The following TBC1D1 variants were observed in gnomAD, a reference collection of about 807,000 sequenced individuals.
TBC1D1 encodes the protein TBC1 domain family member 1.
TBC1D1 carries 89 observed loss-of-function variants against 125.6 expected under a neutral mutation model. The ratio of observed to expected loss-of-function variants is 0.71; its 90% confidence interval spans 0.60 to 0.85. The LOEUF is 0.85. Ranked by LOEUF, TBC1D1 falls within the 40% of genes least tolerant of loss-of-function variation. TBC1D1 has a pLI of 0.00. For synonymous variants in TBC1D1, 565 were observed against 564.1 expected (o/e 1.00, Z -0.02); for missense variants, 1,377 against 1,469.2 (o/e 0.94, Z 1.03).
At chr4:38,101,205 A>ATC (rs1760263203) in intron 14 of TBC1D1, among the ~76,000 whole-genome samples, 1 of 152,252 alleles carries the variant, frequency 6.6e-6, no homozygotes, top group Non-Finnish European at 1.5e-5. Flanking sequence ...GACAGAAACC[A>ATC]GAGAAACCAT....
intron 2 of TBC1D1, among the ~76,000 whole-genome samples, chr4:38,007,500 A>C (rs6821053): frequency 0.2 from 29,678 of 151,938 alleles, 3,028 homozygotes; most frequent in Non-Finnish European, 0.22. Flanking sequence ...TGATCCACCC[A>C]CCTCAGCCTC....
At chr4:38,135,123 G>C (rs1175252288) in intron 19 of TBC1D1, among the ~76,000 whole-genome samples, 1 of 152,220 alleles carries the variant, frequency 6.6e-6, no homozygotes, top group Admixed American at 6.5e-5. Context: ...ACACTGACAA[G>C]GAAGGGTGTT....
At chr4:38,013,072 C>T (rs1432656745) in intron 2 of TBC1D1, among the ~76,000 whole-genome samples, 1 of 152,206 alleles carries the variant, frequency 6.6e-6, no homozygotes, top group Non-Finnish European at 1.5e-5. Flanking sequence ...GGATTACAGG[C>T]ATGAGCCACT....
chr4:38,062,764 T>C (rs1383931298), intron 12 of TBC1D1, among the ~76,000 whole-genome samples: 10 of 152,268 alleles, frequency 6.6e-5, no homozygotes, highest in African/African-American at 2.4e-4. Flanking sequence ...ACTGAGCTTT[T>C]CCTAGTGAAC....
At chr4:38,066,265 CTTTTTT>C (rs34977188) in intron 12 of TBC1D1, among the ~76,000 whole-genome samples, 2 of 137,636 alleles carry the variant, frequency 1.5e-5, no homozygotes, top group East Asian at 2.1e-4. Flanking sequence ...TTATTAGCAA[CTTTTTT>C]TTTTTTTTTT....
chr4:38,096,186 G>GC lies in TBC1D1; in HGVS notation c.2398+98dup, dbSNP rs1759304617. 3 of 966,932 alleles carry GC rather than the reference G, an allele frequency of 3.1e-6. No individual in the cohort carries two copies. In the African/African-American group the frequency reaches 4.9e-5, roughly 16 times the overall value. 59.9% of individuals were successfully genotyped at this position (966,932 alleles called of 1,614,324 possible). The stretch of plus-strand genomic sequence containing the variant: ...AAAAAAGTCAAGTCTAATTTTAGTG[G>GC]CCATCTCCCTTCTTTTCATCACATC... On this transcript the variant is annotated intron_variant, in intron 14 of 19. Transcript: ENST00000261439.
intron 2 of TBC1D1, among the ~76,000 whole-genome samples, chr4:37,934,782 T>C (rs1724039248): frequency 6.6e-6 from 1 of 152,180 alleles, no homozygotes; most frequent in Non-Finnish European, 1.5e-5. Context: ...TCTTCCCACC[T>C]GTATCAGTCA....
chr4:38,081,154 T>C (rs1283496266), intron 12 of TBC1D1, among the ~76,000 whole-genome samples: 2 of 152,108 alleles, frequency 1.3e-5, no homozygotes, highest in Non-Finnish European at 2.9e-5. Context: ...ACTTCTCTCC[T>C]TTCTGCCCAG....
intron 2 of TBC1D1, among the ~76,000 whole-genome samples, chr4:37,966,847 T>C (rs1363952396): frequency 6.6e-6 from 1 of 152,198 alleles, no homozygotes; most frequent in Non-Finnish European, 1.5e-5. Flanking sequence ...AGAGGGGCAT[T>C]TGCCTAGGAA....
chr4:38,085,085 A>G (rs999470963), intron 12 of TBC1D1, among the ~76,000 whole-genome samples: 26 of 152,306 alleles, frequency 1.7e-4, no homozygotes, highest in Admixed American at 1.4e-3. Flanking sequence ...CAATGATGCA[A>G]TGTCATCCTC....
intron 2 of TBC1D1, among the ~76,000 whole-genome samples, chr4:37,956,257 C>T (rs974970793): frequency 2.6e-5 from 4 of 152,150 alleles, no homozygotes; most frequent in Non-Finnish European, 5.9e-5. Context: ...GGACTTCAAG[C>T]GATCACCCAT....
chr4:38,099,134 T>G (rs1759864712), intron 14 of TBC1D1, among the ~76,000 whole-genome samples: 1 of 152,192 alleles, frequency 6.6e-6, no homozygotes, highest in Admixed American at 6.5e-5. Context: ...CAATGCCATT[T>G]ATAAAAACTT....
chr4:37,898,801 C>T (rs1715196427), intron 1 of TBC1D1, among the ~76,000 whole-genome samples: 1 of 152,148 alleles, frequency 6.6e-6, no homozygotes. Flanking sequence ...AAATCTCAGA[C>T]CCTTTGCAGT....
chr4:37,922,348 T>A (rs1299487962), intron 2 of TBC1D1, among the ~76,000 whole-genome samples: 1 of 152,220 alleles, frequency 6.6e-6, no homozygotes, highest in East Asian at 1.9e-4. Flanking sequence ...CATCACTGTT[T>A]AGAGGGGTTC....
intron 2 of TBC1D1, among the ~76,000 whole-genome samples, chr4:37,947,520 G>A (rs1023354443): frequency 1.8e-4 from 27 of 152,022 alleles, no homozygotes; most frequent in Admixed American, 3.9e-4. Flanking sequence ...GAGTATAGTC[G>A]TGCGATCATA....
At chr4:38,127,222 A>G (rs1764797875) in intron 18 of TBC1D1, among the ~76,000 whole-genome samples, 1 of 152,176 alleles carries the variant, frequency 6.6e-6, no homozygotes, top group African/African-American at 2.4e-5. Context: ...AAAACAAAAA[A>G]TAAAACGTAT....
chr4:37,943,940 T>C (rs1726110080), intron 2 of TBC1D1, among the ~76,000 whole-genome samples: 1 of 152,222 alleles, frequency 6.6e-6, no homozygotes, highest in Non-Finnish European at 1.5e-5. Context: ...GCTTTTCTGC[T>C]CTGTTTTTTC....
At chr4:37,943,046 G>C (rs546502686) in intron 2 of TBC1D1, among the ~76,000 whole-genome samples, 1 of 152,098 alleles carries the variant, frequency 6.6e-6, no homozygotes, top group African/African-American at 2.4e-5. Flanking sequence ...GACAAAATCT[G>C]TCAGCATTTG....
intron 7 of TBC1D1, among the ~76,000 whole-genome samples, chr4:38,033,847 C>A (rs1236529183): frequency 6.6e-6 from 1 of 152,180 alleles, no homozygotes; most frequent in African/African-American, 2.4e-5. Flanking sequence ...TAAGGTTCTT[C>A]CATGTCTCTT....
Sources: allele counts gnomAD v4.1 joint callset (sites outside exome capture counted in the v4.1 genomes callset), GRCh38; gene constraint gnomAD v4.1.1; transcripts MANE v1.5; gene names NCBI Gene and HGNC (gene_info 2026-07-23, HGNC 2026-07-21).